MARCHF1: variants seen among roughly 807,000 people sequenced by gnomAD.
MARCHF1 encodes membrane associated ring-CH-type finger 1.
In MARCHF1, 40 loss-of-function variants were observed where a neutral mutation model predicts 54.2. The ratio of observed to expected loss-of-function variants is 0.74; its 90% confidence interval spans 0.57 to 0.96. MARCHF1 has a LOEUF of 0.96. Among genes scored for constraint, MARCHF1 ranks in the 40% least tolerant of loss-of-function variants. The pLI, the probability that MARCHF1 is intolerant of heterozygous loss-of-function variation, is 0.00. For synonymous variants in MARCHF1, 236 were observed against 236.3 expected (o/e 1.00, Z 0.01); for missense variants, 586 against 656.5 (o/e 0.89, Z 1.17).
At chr4:164,255,680 T>C (rs1456152825) in intron 1 of MARCHF1, among the ~76,000 whole-genome samples, 1 of 152,064 alleles carries the variant, frequency 6.6e-6, no homozygotes, top group East Asian at 1.9e-4. Flanking sequence ...AGAGAAAGTT[T>C]TCAAATGGAC....
intron 1 of MARCHF1, among the ~76,000 whole-genome samples, chr4:164,122,670 G>T (rs1339862147): frequency 6.6e-6 from 1 of 151,936 alleles, no homozygotes; most frequent in Non-Finnish European, 1.5e-5. Context: ...TCTAGAGAGA[G>T]CTGTTTCTCT....
intron 3 of MARCHF1, among the ~76,000 whole-genome samples, chr4:163,959,563 GAA>G (rs945852445): frequency 3.9e-5 from 6 of 151,972 alleles, no homozygotes; most frequent in African/African-American, 1.4e-4. Flanking sequence ...AAGCAATGGA[GAA>G]AAGACTCCCT....
intron 4 of MARCHF1, among the ~76,000 whole-genome samples, chr4:163,810,367 A>T (rs1273162455): frequency 6.6e-6 from 1 of 152,238 alleles, no homozygotes; most frequent in Non-Finnish European, 1.5e-5. Flanking sequence ...AACAACATTC[A>T]TAACTTTCCC....
chr4:164,362,986 A>C (rs1166324042), intron 1 of MARCHF1, among the ~76,000 whole-genome samples: 1 of 152,156 alleles, frequency 6.6e-6, no homozygotes, highest in Non-Finnish European at 1.5e-5. Context: ...CTCTTGTTGC[A>C]TACATAATTG....
At chr4:164,250,631 GAT>G (rs1298151175) in intron 1 of MARCHF1, among the ~76,000 whole-genome samples, 1 of 151,970 alleles carries the variant, frequency 6.6e-6, no homozygotes, top group East Asian at 1.9e-4. Context: ...ATCCCAGGTT[GAT>G]TAAATAAATT....
chr4:163,687,910 T>G (rs1049669224), intron 5 of MARCHF1, among the ~76,000 whole-genome samples: 1 of 152,244 alleles, frequency 6.6e-6, no homozygotes, highest in African/African-American at 2.4e-5. Context: ...GAATACATGA[T>G]GTGACTCTGC....
chr4:164,193,225 C>A (rs1027564242), intron 1 of MARCHF1, among the ~76,000 whole-genome samples: 1 of 151,800 alleles, frequency 6.6e-6, no homozygotes, highest in African/African-American at 2.4e-5. Context: ...TCGGAAGATG[C>A]CAAAAAAGAA....
rs1384518092 is a variant in MARCHF1 at position 163,986,364 on chromosome 4, A to T, written c.-39+2137T>A. ...ACTGCAAGCTCCGCCTCCCGGGTTC[A>T]CGCCATTCTCCTGCCTCAGCCTCCT... On this transcript the variant is annotated intron_variant, in intron 3 of 9. Transcript: ENST00000514618. Among the ~76,000 whole-genome samples, 3 of 144,634 alleles carry T rather than the reference A, an allele frequency of 2.1e-5. No individual in the cohort carries two copies. In the East Asian group the frequency reaches 6.5e-4, roughly 32 times the overall value. The allele number at this position is 144,634 out of a possible 152,430, so 94.9% of individuals were successfully genotyped here. A position where few individuals can be genotyped will look rare whatever the true frequency, so the allele number is the denominator to read the frequency against.
rs927490475 is a variant in MARCHF1 at position 163,552,576 on chromosome 4, C to G, written c.1192-6833G>C. ...TTCTGAACTGCTGGGTAATGGGAGTCTTTTCTAACTAGAAGTGGTTTTCAG... is the reference window on the plus strand; with the variant it reads ...TTCTGAACTGCTGGGTAATGGGAGTGTTTTCTAACTAGAAGTGGTTTTCAG... On this transcript the variant is annotated intron_variant, in intron 8 of 9. Coordinates refer to ENST00000514618, the MANE Select transcript of MARCHF1 (RefSeq NM_001394959.1). Among the ~76,000 whole-genome samples, 3 of 152,172 alleles carry G rather than the reference C, an allele frequency of 2.0e-5. No homozygotes were observed. In the East Asian group the frequency reaches 5.8e-4, roughly 29 times the overall value.
chr4:163,681,435 T>C (rs60266318), intron 5 of MARCHF1, among the ~76,000 whole-genome samples: 53,655 of 151,882 alleles, frequency 0.35, 10,282 homozygotes, highest in Non-Finnish European at 0.46. Flanking sequence ...CATAGGCTGA[T>C]ATAGTTTGGT....
chr4:164,311,333 T>A (rs1734845783), intron 1 of MARCHF1, among the ~76,000 whole-genome samples: 1 of 152,182 alleles, frequency 6.6e-6, no homozygotes, highest in Non-Finnish European at 1.5e-5. Context: ...ACATCTTCTT[T>A]AGTTTTATGA....
intron 1 of MARCHF1, among the ~76,000 whole-genome samples, chr4:164,134,335 A>G (rs1383888916): frequency 6.6e-6 from 1 of 152,208 alleles, no homozygotes; most frequent in Non-Finnish European, 1.5e-5. Context: ...GCTAAAATGC[A>G]TTCTCATTTA....
At chr4:164,114,719 C>A (rs1755905415) in intron 1 of MARCHF1, among the ~76,000 whole-genome samples, 1 of 143,758 alleles carries the variant, frequency 7.0e-6, no homozygotes, top group Non-Finnish European at 1.5e-5. Flanking sequence ...AGTATTGAGA[C>A]AAGAAAAAAA....
At chr4:163,703,546 A>G (rs974647880) in intron 4 of MARCHF1, among the ~76,000 whole-genome samples, 5 of 152,122 alleles carry the variant, frequency 3.3e-5, no homozygotes, top group African/African-American at 1.2e-4. Context: ...ACCTTAGATT[A>G]AAAATAAGCT....
At chr4:163,557,997 T>A (rs1405695976) in intron 8 of MARCHF1, among the ~76,000 whole-genome samples, 1 of 152,214 alleles carries the variant, frequency 6.6e-6, no homozygotes, top group African/African-American at 2.4e-5. Context: ...CATAAAAGTC[T>A]TCTGATACTT....
chr4:163,610,283 T>C (rs752569270), intron 7 of MARCHF1, among the ~76,000 whole-genome samples: 12 of 152,108 alleles, frequency 7.9e-5, no homozygotes, highest in Admixed American at 7.9e-4. Flanking sequence ...TGCTACTTTT[T>C]ATCCTCAGCA....
intron 1 of MARCHF1, among the ~76,000 whole-genome samples, chr4:164,309,208 G>GGAACCCTTCA (rs11282235): frequency 6.6e-6 from 1 of 151,424 alleles, no homozygotes; most frequent in Admixed American, 6.6e-5. Flanking sequence ...GAAAAAAAAA[G>GGAACCCTTCA]GCATTATAAC....
In MARCHF1 at chr4:163,667,918, C is replaced by A. The variant is rs186066396; in HGVS notation, c.162+32895G>T. ...CTGGGATTACAGGTGTGAGCCACAG[C>A]GCCTGGCTGCCAAACTTAAATTTAA... On this transcript the variant is annotated intron_variant, in intron 5 of 9. Coordinates refer to ENST00000514618, the MANE Select transcript of MARCHF1 (RefSeq NM_001394959.1). Among the ~76,000 whole-genome samples, 3 of 152,074 alleles carry A rather than the reference C, an allele frequency of 2.0e-5. No homozygotes were observed. In the South Asian group the frequency reaches 6.2e-4, roughly 32 times the overall value.
At chr4:164,361,395 C>T (rs1730718867) in intron 1 of MARCHF1, among the ~76,000 whole-genome samples, 1 of 152,100 alleles carries the variant, frequency 6.6e-6, no homozygotes, top group Admixed American at 6.6e-5. Context: ...TCCTAATTTG[C>T]TAATATATGA....
Sources: gnomAD v4.1 joint callset for allele counts (sites outside exome capture counted in the v4.1 genomes callset) on GRCh38, gnomAD v4.1.1 for gene constraint, MANE v1.5 for transcripts, NCBI Gene and HGNC (gene_info 2026-07-23, HGNC 2026-07-21) for gene names.